ATP8A2: variants seen among roughly 807,000 people sequenced by gnomAD.
ATP8A2 encodes phospholipid-transporting ATPase IB.
ATP8A2 carries 100 observed loss-of-function variants against 165.6 expected under a neutral mutation model. The observed-to-expected ratio is 0.60, with a 90% confidence interval of 0.51 to 0.71. The LOEUF (loss-of-function observed/expected upper bound fraction) is 0.71. Among genes scored for constraint, ATP8A2 ranks in the 30% least tolerant of loss-of-function variants. The pLI is 0.00. For synonymous variants in ATP8A2, 543 were observed against 548.8 expected, an observed-to-expected ratio of 0.99 and a Z score of 0.15; for missense variants, 1,227 against 1,479.5, an observed-to-expected ratio of 0.83 and a Z score of 2.80.
rs557631960 is a variant in ATP8A2, at chr13:25,920,479, C to T, written c.3184-41096C>T. On this transcript the variant is annotated intron_variant, in intron 33 of 36. Coordinates refer to ENST00000381655, the MANE Select transcript of ATP8A2 (RefSeq NM_016529.6). Reference sequence around the variant, plus strand: ...GTTCCCCTGCCCACTTCCTCCTCTGCCTGTGTTTCTGCCTTAGTAAATGGC... The same window carrying T: ...GTTCCCCTGCCCACTTCCTCCTCTGTCTGTGTTTCTGCCTTAGTAAATGGC... Among the ~76,000 whole-genome samples the T allele has an allele frequency of 1.1e-4, 16 of 152,328 alleles. No individual in the cohort carries two copies. In the South Asian group the frequency reaches 1.2e-3, roughly 12 times the overall value.
chr13:25,570,990 G>T (rs2039451276), intron 17 of ATP8A2, 118 bp downstream of exon 17: 2 of 708,328 alleles, frequency 2.8e-6, no homozygotes, highest in South Asian at 4.0e-5. Flanking sequence ...TCTGCTGTTG[G>T]CCTCACCCTG....
At chr13:25,606,711 CCA>C (rs1269121799) in intron 24 of ATP8A2, among the ~76,000 whole-genome samples, 9 of 152,086 alleles carry the variant, frequency 5.9e-5, no homozygotes, top group Non-Finnish European at 1.0e-4. Context: ...ACCCATCCAC[CCA>C]CACATTTTCT....
At chr13:25,477,491 C>T (rs1043402364) in intron 2 of ATP8A2, among the ~76,000 whole-genome samples, 1 of 152,168 alleles carries the variant, frequency 6.6e-6, no homozygotes, top group Non-Finnish European at 1.5e-5. Context: ...ACTGGTGAAT[C>T]TTGAATAAAG....
chr13:25,643,054 A>G (rs144266355), intron 24 of ATP8A2, among the ~76,000 whole-genome samples: 5,250 of 151,958 alleles, frequency 0.035, 154 homozygotes, highest in East Asian at 0.13. Flanking sequence ...CATACATCGG[A>G]TCCTGTTGTG....
intron 33 of ATP8A2, among the ~76,000 whole-genome samples, chr13:25,891,688 G>T (rs1429248958): frequency 1.3e-5 from 2 of 152,040 alleles, no homozygotes; most frequent in African/African-American, 2.4e-5. Flanking sequence ...TTCATTAGGG[G>T]GCTCTGTGAG....
chr13:26,021,376 A>G lies in ATP8A2; in HGVS notation c.*1391A>G, dbSNP rs977886963. The G allele has an allele frequency of 3.3e-5, 5 of 152,236 alleles. No homozygotes were observed. Among genetic ancestry groups the G allele is most frequent in the African/African-American group, 9.6e-5 (4 of 41,456 alleles). The allele number at this position is 152,236 out of a possible 1,614,324, so 9.4% of individuals were successfully genotyped here. A position where few individuals can be genotyped will look rare whatever the true frequency, so the allele number is the denominator to read the frequency against. On this transcript the variant is annotated 3_prime_UTR_variant, in exon 37 of 37. Coordinates refer to ENST00000381655, the MANE Select transcript of ATP8A2 (RefSeq NM_016529.6). ...CACAGTTCTAATTGAAAAGAATTCC[A>G]AACATTTCAGGGAAACACCTTTTTA...
chr13:25,968,381 A>G (rs368493578), intron 34 of ATP8A2, among the ~76,000 whole-genome samples, 194 bp from the exon 35 acceptor site: 38 of 152,210 alleles, frequency 2.5e-4, no homozygotes, highest in African/African-American at 8.7e-4. Flanking sequence ...TCTGGTCTGC[A>G]GCACTCAGGA....
At chr13:25,386,870 A>G (rs7986558) in intron 1 of ATP8A2, among the ~76,000 whole-genome samples, 82,138 of 146,692 alleles carry the variant, frequency 0.56, 25,131 homozygotes, top group East Asian at 0.76. Context: ...GGTGGCGGGC[A>G]CCTGTAGTCC....
chr13:25,635,944 C>T (rs78918543), intron 24 of ATP8A2, among the ~76,000 whole-genome samples: 5,256 of 152,186 alleles, frequency 0.035, 153 homozygotes, highest in East Asian at 0.13. Flanking sequence ...ACAGCGCACC[C>T]CCTCCTGTTC....
At chr13:25,590,852 C>A (rs2040053325) in intron 24 of ATP8A2, among the ~76,000 whole-genome samples, 1 of 152,128 alleles carries the variant, frequency 6.6e-6, no homozygotes, top group Admixed American at 6.5e-5. Flanking sequence ...AGACCAAGGG[C>A]AGGAGGCAGG....
intron 18 of ATP8A2, among the ~76,000 whole-genome samples, chr13:25,574,267 C>T (rs1289887969): frequency 1.3e-5 from 2 of 152,160 alleles, no homozygotes; most frequent in African/African-American, 4.8e-5. Context: ...AATTCGAAAC[C>T]CAAATGCCTT....
At chr13:25,535,474 T>C (rs2038248472) in intron 6 of ATP8A2, among the ~76,000 whole-genome samples, 1 of 152,128 alleles carries the variant, frequency 6.6e-6, no homozygotes, top group Non-Finnish European at 1.5e-5. Flanking sequence ...AGTGTACTAA[T>C]TCTTTGAGGG....
intron 25 of ATP8A2, among the ~76,000 whole-genome samples, chr13:25,748,251 A>G (rs79939285): frequency 0.031 from 4,710 of 152,268 alleles, 98 homozygotes; most frequent in South Asian, 0.075. Flanking sequence ...TTTTCCCCCC[A>G]TGCTGTTTCA....
chr13:25,624,807 A>G (rs989304581), intron 24 of ATP8A2, among the ~76,000 whole-genome samples: 1 of 152,194 alleles, frequency 6.6e-6, no homozygotes, highest in Non-Finnish European at 1.5e-5. Flanking sequence ...TCCTATGACC[A>G]ATCCTCTTAA....
At chr13:25,759,359 C>T (rs537025539) in intron 25 of ATP8A2, among the ~76,000 whole-genome samples, 49 of 152,312 alleles carry the variant, frequency 3.2e-4, no homozygotes, top group Admixed American at 1.4e-3. Context: ...CATGAGCTCA[C>T]GATGCCTGGT....
At chr13:25,655,943 C>T (rs1296216285) in intron 24 of ATP8A2, among the ~76,000 whole-genome samples, 1 of 152,112 alleles carries the variant, frequency 6.6e-6, no homozygotes, top group African/African-American at 2.4e-5. Flanking sequence ...CACTAGATTT[C>T]AATGTATGTA....
At chr13:26,005,184 G>A (rs1023093092) in intron 35 of ATP8A2, among the ~76,000 whole-genome samples, 5 of 151,918 alleles carry the variant, frequency 3.3e-5, no homozygotes, top group African/African-American at 7.2e-5. Context: ...GTGATAGGTT[G>A]TAAGTGTCTA....
chr13:25,867,660 T>TC (rs898383362), intron 33 of ATP8A2, among the ~76,000 whole-genome samples: 1 of 151,980 alleles, frequency 6.6e-6, no homozygotes, highest in African/African-American at 2.4e-5. Flanking sequence ...CTTCATCCCA[T>TC]CCCCCCTGCC....
intron 1 of ATP8A2, among the ~76,000 whole-genome samples, chr13:25,420,477 A>G (rs536453981): frequency 6.6e-6 from 1 of 152,372 alleles, no homozygotes; most frequent in Admixed American, 6.5e-5. Flanking sequence ...AGCTTATTAC[A>G]TTGAACAATA....
Sources: allele counts gnomAD v4.1 joint callset (sites outside exome capture counted in the v4.1 genomes callset), GRCh38; gene constraint gnomAD v4.1.1; transcripts MANE v1.5; gene names NCBI Gene and HGNC (gene_info 2026-07-23, HGNC 2026-07-21).